The following PLB1 variants were observed in gnomAD, a reference collection of about 807,000 sequenced individuals.
PLB1 encodes the protein phospholipase B1.
In PLB1, 242 loss-of-function variants were observed where a neutral mutation model predicts 227.4. That is an observed-to-expected ratio of 1.06 (90% CI 0.96 to 1.18). The LOEUF is 1.18. PLB1 is among the 50% of genes most tolerant of loss of function. The pLI is 0.00. For missense variants in PLB1, 1,858 were observed against 1,816.3 expected (o/e 1.02, Z -0.42); for synonymous variants, 757 against 682.2 (o/e 1.11, Z -1.71).
intron 31 of PLB1, 123 bp from the exon 32 acceptor site, chr2:28,592,538 C>A: frequency 1.0e-6 from 1 of 958,806 alleles, no homozygotes; most frequent in Non-Finnish European, 1.7e-6. Context: ...TGTGCACACC[C>A]AGCCCTGCAT....
chr2:28,579,297 A>G (rs916137123), intron 22 of PLB1, among the ~76,000 whole-genome samples: 2 of 152,206 alleles, frequency 1.3e-5, no homozygotes, highest in African/African-American at 4.8e-5. Flanking sequence ...CAGCTTCCTT[A>G]TCCCTTCCCC....
chr2:28,534,575 G>A (rs939912878), intron 9 of PLB1, among the ~76,000 whole-genome samples: 3 of 152,224 alleles, frequency 2.0e-5, no homozygotes, highest in African/African-American at 7.2e-5. Context: ...AGCCTCAAGA[G>A]CTGGGCGCGG....
intron 7 of PLB1, 66 bp from the exon 8 acceptor site, chr2:28,529,662 C>G (rs1180725380): frequency 1.1e-5 from 16 of 1,505,546 alleles, no homozygotes; most frequent in Non-Finnish European, 1.4e-5. Flanking sequence ...TGGCAAGGGG[C>G]AAGCTTCCAG....
intron 30 of PLB1, among the ~76,000 whole-genome samples, chr2:28,591,480 C>A (rs954775132): frequency 2.6e-5 from 4 of 152,204 alleles, no homozygotes; most frequent in Non-Finnish European, 4.4e-5. Context: ...CTGATTCTTG[C>A]ATTGGACGGT....
chr2:28,642,878 C>G lies in PLB1; in HGVS notation c.4194C>G (p.Thr1398=), dbSNP rs1159227463. ...CACAGGAGAGCCCTTACCTCTACAC[C>G]CTGCGGAACAGCCGATTGCTCCCAG... ...CPSPESPYLY[T]LRNSRLLPDQ... Residue 1398 remains threonine, a synonymous_variant, in exon 58 of 58, where the codon ACC becomes ACG. Transcript: ENST00000327757. 1 of 1,603,904 alleles carries G rather than the reference C, an allele frequency of 6.2e-7. No homozygotes were observed. The highest frequency in any genetic ancestry group is 1.7e-5 in the Admixed American group (1 of 58,914).
intron 16 of PLB1, among the ~76,000 whole-genome samples, chr2:28,550,557 C>T (rs894055620): frequency 8.5e-5 from 12 of 141,128 alleles, no homozygotes; most frequent in Non-Finnish European, 1.8e-4. Context: ...GGGAGGAGGG[C>T]GGGGACAGAA....
chr2:28,535,508 G>A (rs60598814), intron 9 of PLB1, among the ~76,000 whole-genome samples: 5,431 of 152,266 alleles, frequency 0.036, 132 homozygotes, highest in Middle Eastern at 0.065. Flanking sequence ...ACACCTCCCC[G>A]TTTAAGCTAA....
intron 8 of PLB1, among the ~76,000 whole-genome samples, chr2:28,530,008 A>T (rs752969514): frequency 5.9e-5 from 9 of 152,082 alleles, no homozygotes; most frequent in Non-Finnish European, 1.3e-4. Flanking sequence ...TTTTGAGACC[A>T]GTTATGAGAC....
At position 28,576,967 on chromosome 2, in the gene PLB1, G is replaced by A. The variant is rs139510234; in HGVS notation, c.1434-1140G>A. ...GATGACCACTAATGTTTCCTGCTAA[G>A]CCCTGTGCCAGGGACTTTGTCAATG... is the stretch of plus-strand genomic sequence containing the variant. On this transcript the variant is annotated intron_variant, in intron 21 of 57. Coordinates refer to ENST00000327757, the MANE Select transcript of PLB1 (RefSeq NM_153021.5). Among the ~76,000 whole-genome samples the A allele has an allele frequency of 5.5e-3, 839 of 152,320 alleles. 4 individuals are homozygous for A. Among genetic ancestry groups the A allele is most frequent in the Non-Finnish European group, 9.5e-3 (643 of 68,030 alleles).
chr2:28,641,218 C>T (rs922273993), intron 57 of PLB1, among the ~76,000 whole-genome samples: 1 of 152,150 alleles, frequency 6.6e-6, no homozygotes, highest in Non-Finnish European at 1.5e-5. Context: ...CAGCTCCAAC[C>T]GAAGGGAGGA....
At chr2:28,518,426 C>T in intron 2 of PLB1, 40 bp from the exon 3 acceptor site, 1 of 1,467,956 alleles carries the variant, frequency 6.8e-7, no homozygotes. Context: ...TATTTCTATA[C>T]AAGGCAGTTG....
intron 1 of PLB1, among the ~76,000 whole-genome samples, chr2:28,507,638 G>C (rs1199805486): frequency 1.3e-5 from 2 of 152,158 alleles, no homozygotes; most frequent in Non-Finnish European, 2.9e-5. Flanking sequence ...AAGAAAATGT[G>C]ATGCAAAAGT....
chr2:28,498,626 C>T (rs775628852), intron 1 of PLB1, among the ~76,000 whole-genome samples: 1 of 152,120 alleles, frequency 6.6e-6, no homozygotes, highest in Non-Finnish European at 1.5e-5. Flanking sequence ...CGGTTGTTTC[C>T]CTACCACTGT....
At chr2:28,597,269 A>C (rs1378851957) in intron 33 of PLB1, among the ~76,000 whole-genome samples, 1 of 151,890 alleles carries the variant, frequency 6.6e-6, no homozygotes, top group Admixed American at 6.5e-5. Context: ...GTCTCGAAAA[A>C]AAAAAAAAAA....
In PLB1 at chr2:28,601,938, A is replaced by G. The variant is rs1384012478; in HGVS notation, c.2647A>G (p.Asn883Asp). ...AGCCAACTTTGTTCACCATCTCCGC[A>G]ATGCCTTGGACGTCCTGCATAGAGA... ...SAANFVHHLR[N>D]ALDVLHREVP... Residue 883 changes from asparagine (N) to aspartate (D), a missense_variant, in exon 38 of 58, where the codon AAT becomes GAT. Transcript: ENST00000327757. 1 of 1,611,572 alleles carries G rather than the reference A, an allele frequency of 6.2e-7. No individual in the cohort carries two copies. Among genetic ancestry groups the G allele is most frequent in the Admixed American group, 1.7e-5 (1 of 60,012 alleles).
chr2:28,591,704 A>T lies in PLB1; in HGVS notation c.2132A>T (p.His711Leu). 1 of 1,613,944 alleles carries T rather than the reference A, an allele frequency of 6.2e-7. No homozygotes were observed. The highest frequency in any genetic ancestry group is 8.5e-7 in the Non-Finnish European group (1 of 1,179,928). The part of the protein sequence containing the change: ...LRTYKNSMQG[H>L]GTWLPCRDRA... ...GGATTTGTTCTATGCCCTTAGGGTC[A>T]TGGGACCTGGCTGCCATGCAGGGAC... The change falls in exon 31 of 58, where the codon CAT becomes CTT. Residue 711 changes from histidine to leucine, a missense_variant. Transcript: ENST00000327757.
At chr2:28,637,902 G>A (rs897466037) in intron 56 of PLB1, among the ~76,000 whole-genome samples, 3 of 152,154 alleles carry the variant, frequency 2.0e-5, no homozygotes, top group Non-Finnish European at 4.4e-5. Flanking sequence ...TACGTGGTTG[G>A]TAGCCACAGT....
chr2:28,528,333 C>T (rs72792984), intron 6 of PLB1, among the ~76,000 whole-genome samples: 2 of 152,256 alleles, frequency 1.3e-5, no homozygotes, highest in South Asian at 4.1e-4. Flanking sequence ...TCCCATGACA[C>T]TCTCTCCCCG....
intron 1 of PLB1, among the ~76,000 whole-genome samples, chr2:28,505,070 C>T (rs916153694): frequency 6.6e-6 from 1 of 152,094 alleles, no homozygotes; most frequent in Admixed American, 6.5e-5. Context: ...GTGAGGCTCC[C>T]TAGAAAAACC....
Sources: allele counts gnomAD v4.1 joint callset (sites outside exome capture counted in the v4.1 genomes callset), GRCh38; gene constraint gnomAD v4.1.1; transcripts MANE v1.5; gene names NCBI Gene and HGNC (gene_info 2026-07-23, HGNC 2026-07-21).